The following DNAH12 variants were observed in gnomAD, a reference collection of about 807,000 sequenced individuals.
DNAH12 encodes the protein dynein axonemal heavy chain 12, also known as axonemal beta dynein heavy chain 12.
A neutral mutation model predicts 371.5 loss-of-function variants in DNAH12; 285 were observed. The observed-to-expected ratio is 0.77, with a 90% CI of 0.70 to 0.85. The LOEUF (loss-of-function observed/expected upper bound fraction) is 0.85. Ranked by LOEUF, DNAH12 falls within the 40% of genes least tolerant of loss-of-function variation. DNAH12 has a pLI of 0.00. For missense variants in DNAH12, 3,611 were observed against 3,689.4 expected (o/e 0.98, Z 0.55); for synonymous variants, 1,200 against 1,213.0 (o/e 0.99, Z 0.22).
intron 52 of DNAH12, among the ~76,000 whole-genome samples, chr3:57,378,340 G>A (rs2063323179): frequency 6.6e-6 from 1 of 151,932 alleles, no homozygotes; most frequent in Admixed American, 6.6e-5. Context: ...GGGACAAGAT[G>A]TTTAATGGAA....
At chr3:57,402,249 T>C in intron 43 of DNAH12, 1 of 518,118 alleles carries the variant, frequency 1.9e-6, no homozygotes, top group Non-Finnish European at 3.0e-6. Flanking sequence ...TGCTAAATTT[T>C]AGGTTGTAGA....
At chr3:57,352,593 C>T (rs1479013774) in intron 59 of DNAH12, among the ~76,000 whole-genome samples, 1 of 146,378 alleles carries the variant, frequency 6.8e-6, no homozygotes, top group African/African-American at 2.4e-5. Flanking sequence ...TACACCATCT[C>T]TCTATTTTCC....
At position 57,389,798 on chromosome 3, in the gene DNAH12, A is replaced by ATGTGTGTGTGTGTGTG. The variant is rs1211815764; in HGVS notation, c.7305+2058_7305+2073dup. On this transcript the variant is annotated intron_variant, in intron 45 of 73. Coordinates refer to ENST00000495027, the MANE Select transcript of DNAH12 (RefSeq NM_001366028.2). ...TATACATATAAATATATATACACAT[A>ATGTGTGTGTGTGTGTG]TGTGTGTGTGTGTGTGTGTGTGTGT... Among the ~76,000 whole-genome samples the ATGTGTGTGTGTGTGTG allele has an allele frequency of 5.9e-3, 548 of 92,148 alleles. 19 individuals are homozygous for ATGTGTGTGTGTGTGTG. The highest frequency in any genetic ancestry group is 0.026 in the East Asian group (56 of 2,132). The allele number at this position is 92,148 out of a possible 152,430, so 60.5% of individuals were successfully genotyped here. A position where few individuals can be genotyped will look rare whatever the true frequency, so the allele number is the denominator to read the frequency against.
At chr3:57,521,801 C>G (rs1013955938) in intron 4 of DNAH12, among the ~76,000 whole-genome samples, 2 of 152,030 alleles carry the variant, frequency 1.3e-5, no homozygotes, top group Non-Finnish European at 2.9e-5. Context: ...GCAGAAGAAT[C>G]GCTTGAACCC....
chr3:57,512,987 A>C (rs984619681), intron 4 of DNAH12, among the ~76,000 whole-genome samples: 1 of 152,014 alleles, frequency 6.6e-6, no homozygotes, highest in Admixed American at 6.6e-5. Context: ...AAATACAAAA[A>C]AATTAGCCAG....
Position 57,457,805 on chromosome 3 carries a change from C to T in DNAH12, c.3252G>A (p.Ala1084=), listed in dbSNP as rs544970171. 40 of 1,551,428 alleles carry T rather than the reference C, an allele frequency of 2.6e-5. No individual in the cohort carries two copies. Among genetic ancestry groups the T allele is most frequent in the Middle Eastern group, 1.7e-4 (1 of 6,014 alleles). ...ELIALISTSA[A]RGAVEKWLIQ... is the part of the protein sequence containing the mutation. Reference sequence around the variant, plus strand: ...TGAGCCACTTTTCCACAGCACCCCGCGCTGCAGACGTGGAAATGAGTGCAA... The same window carrying T: ...TGAGCCACTTTTCCACAGCACCCCGTGCTGCAGACGTGGAAATGAGTGCAA... The change falls in exon 22 of 74, where the codon GCG becomes GCA. Residue 1084 remains alanine, a synonymous_variant. Transcript: ENST00000495027.
intron 13 of DNAH12, among the ~76,000 whole-genome samples, chr3:57,477,456 C>G (rs541916084): frequency 2.0e-4 from 31 of 152,284 alleles, no homozygotes; most frequent in African/African-American, 7.5e-4. Flanking sequence ...TGCACGGCAG[C>G]TCAAGGAGGC....
At chr3:57,471,844 A>G (rs949866285) in intron 14 of DNAH12, among the ~76,000 whole-genome samples, 2 of 152,224 alleles carry the variant, frequency 1.3e-5, no homozygotes, top group Non-Finnish European at 2.9e-5. Context: ...TGCTTTATTT[A>G]ACAGATTCTA....
At chr3:57,312,187 T>TAA (rs1159256651) in intron 66 of DNAH12, among the ~76,000 whole-genome samples, 1 of 152,184 alleles carries the variant, frequency 6.6e-6, no homozygotes, top group African/African-American at 2.4e-5. Context: ...CTTAATCCTT[T>TAA]AAGACTCCCA....
chr3:57,312,744 C>T (rs2061606517), intron 66 of DNAH12, among the ~76,000 whole-genome samples: 1 of 152,132 alleles, frequency 6.6e-6, no homozygotes, highest in Non-Finnish European at 1.5e-5. Flanking sequence ...GTCTCGAAAA[C>T]CAATGTTTAA....
intron 37 of DNAH12, 34 bp downstream of exon 37, chr3:57,419,333 A>G: frequency 6.8e-7 from 1 of 1,467,310 alleles, no homozygotes; most frequent in Non-Finnish European, 8.9e-7. Context: ...GTACTTTTAC[A>G]TTCAAAATGC....
chr3:57,409,322 G>T (rs1256330559), intron 39 of DNAH12, among the ~76,000 whole-genome samples: 1 of 152,088 alleles, frequency 6.6e-6, no homozygotes, highest in Non-Finnish European at 1.5e-5. Flanking sequence ...CTAAAAGCAT[G>T]CTAGAAAGTA....
chr3:57,499,201 C>A (rs2067425749), intron 11 of DNAH12, among the ~76,000 whole-genome samples: 1 of 151,952 alleles, frequency 6.6e-6, no homozygotes, highest in South Asian at 2.1e-4. Flanking sequence ...CAGCAGTTTC[C>A]TGAGGTCAGA....
intron 2 of DNAH12, among the ~76,000 whole-genome samples, chr3:57,535,319 G>T (rs1014279104): frequency 2.0e-5 from 3 of 152,100 alleles, no homozygotes; most frequent in African/African-American, 7.2e-5. Flanking sequence ...CCTCATGATT[G>T]GATCAATGTC....
chr3:57,306,475 C>T (rs950373618), intron 69 of DNAH12, among the ~76,000 whole-genome samples: 33 of 152,186 alleles, frequency 2.2e-4, no homozygotes, highest in African/African-American at 7.5e-4. Context: ...TATCTGCTTC[C>T]CTGACTATTC....
chr3:57,506,432 A>T (rs1343486386), intron 8 of DNAH12, among the ~76,000 whole-genome samples: 7 of 151,854 alleles, frequency 4.6e-5, no homozygotes, highest in Non-Finnish European at 1.0e-4. Flanking sequence ...TCATTTATTT[A>T]TTTATTTACT....
rs1326498045 is a variant in DNAH12 at position 57,309,814 on chromosome 3, T to G, written c.10937A>C (p.His3646Pro). The G allele has an allele frequency of 6.4e-7, 1 of 1,551,118 alleles. No homozygotes were observed. Among genetic ancestry groups the G allele is most frequent in the East Asian group, 2.4e-5 (1 of 40,906 alleles). Residue 3646 changes from histidine to proline, a missense_variant, in exon 68 of 74, where the codon CAT becomes CCT. Around this residue, in one of 3 missense-constraint regions of DNAH12, gnomAD observed 2,266 missense variants for 2,236.9 expected, o/e 1.01. Coordinates refer to ENST00000495027, the MANE Select transcript of DNAH12 (RefSeq NM_001366028.2). The part of the protein sequence containing the change: ...FTQHPEIFGL[H>P]ENVDISKDLQ... ...ATCCTTGGAGATGTCAACGTTTTCA[T>G]GTAATCCAAATATCTCAGGGTGTTG...
chr3:57,479,934 A>T (rs571978524), intron 13 of DNAH12, among the ~76,000 whole-genome samples: 1 of 152,336 alleles, frequency 6.6e-6, no homozygotes, highest in South Asian at 2.1e-4. Context: ...TGTAGAGGGA[A>T]ATTTATAGCA....
intron 2 of DNAH12, among the ~76,000 whole-genome samples, chr3:57,526,511 G>A (rs2068650938): frequency 6.7e-6 from 1 of 150,348 alleles, no homozygotes; most frequent in South Asian, 2.1e-4. Context: ...TATGGACACT[G>A]AGGTTGTTTC....
Sources: allele counts gnomAD v4.1 joint callset (sites outside exome capture counted in the v4.1 genomes callset), GRCh38; gene constraint gnomAD v4.1.1; regional missense constraint gnomAD v4.1.1; transcripts MANE v1.5; gene names NCBI Gene and HGNC (gene_info 2026-07-23, HGNC 2026-07-21).